The following CLUAP1 variants were observed in gnomAD, a reference collection of about 807,000 sequenced individuals.
CLUAP1 encodes clusterin-associated protein 1.
CLUAP1 carries 50 observed loss-of-function variants against 55.0 expected under a neutral mutation model. The ratio of observed to expected loss-of-function variants is 0.91; its 90% CI spans 0.72 to 1.15. The LOEUF is 1.15. CLUAP1 is among the 50% of genes most tolerant of loss of function. CLUAP1 has a pLI of 0.00. For synonymous variants in CLUAP1, 195 were observed against 175.4 expected, an observed-to-expected ratio of 1.11 and a Z score of -0.88; for missense variants, 530 against 507.6, an observed-to-expected ratio of 1.04 and a Z score of -0.42.
intron 4 of CLUAP1, among the ~76,000 whole-genome samples, chr16:3,511,248 G>C (rs548457726): frequency 6.6e-6 from 1 of 152,178 alleles, no homozygotes; most frequent in East Asian, 1.9e-4. Context: ...GGTGAGGATT[G>C]GTTGTCCAGG....
chr16:3,508,504 G>A (rs1245516043), intron 4 of CLUAP1, 36 bp downstream of exon 4: 2 of 1,500,804 alleles, frequency 1.3e-6, no homozygotes, highest in Non-Finnish European at 1.8e-6. Flanking sequence ...GGGCGATGGA[G>A]CGTTGATTTC....
intron 3 of CLUAP1, 134 bp downstream of exon 3, chr16:3,506,549 C>T (rs2151043065): frequency 2.8e-6 from 2 of 716,166 alleles, no homozygotes; most frequent in East Asian, 5.6e-5. Context: ...CATTCTCTCG[C>T]CCAGGCCGGA....
intron 3 of CLUAP1, among the ~76,000 whole-genome samples, chr16:3,508,037 C>T (rs537940590): frequency 1.3e-5 from 2 of 152,112 alleles, no homozygotes; most frequent in African/African-American, 4.8e-5. Flanking sequence ...AGAATAAGTT[C>T]TTAGATTTGG....
intron 1 of CLUAP1, among the ~76,000 whole-genome samples, chr16:3,503,773 C>A (rs1165028680): frequency 6.6e-6 from 1 of 152,080 alleles, no homozygotes; most frequent in Non-Finnish European, 1.5e-5. Flanking sequence ...TTTTTAATCT[C>A]TGTATTCACA....
intron 6 of CLUAP1, among the ~76,000 whole-genome samples, chr16:3,517,057 T>TA (rs1208574402): frequency 6.6e-6 from 1 of 152,004 alleles, no homozygotes. Flanking sequence ...AATAAATGAA[T>TA]ATTGGAGGCT....
chr16:3,515,194 T>TA (rs56325117), intron 5 of CLUAP1, among the ~76,000 whole-genome samples: 5,650 of 141,352 alleles, frequency 0.04, 287 homozygotes, highest in African/African-American at 0.12. Flanking sequence ...TATCTCTATT[T>TA]AAAAAAAAAA....
At chr16:3,520,538 A>G (rs1287057731) in intron 7 of CLUAP1, among the ~76,000 whole-genome samples, 1 of 152,164 alleles carries the variant, frequency 6.6e-6, no homozygotes. Context: ...GGCTAAACTC[A>G]TTCTCTTTAC....
upstream of CLUAP1, among the ~76,000 whole-genome samples, chr16:3,497,917 A>G (rs2037330602): frequency 6.6e-6 from 1 of 152,128 alleles, no homozygotes; most frequent in Admixed American, 6.6e-5. Context: ...TCCACCTCCC[A>G]AAGTGCTGGG....
At chr16:3,533,054 CT>C (rs1439695033) in intron 11 of CLUAP1, 6 of 1,513,492 alleles carry the variant, frequency 4.0e-6, no homozygotes, top group Non-Finnish European at 4.4e-6. Flanking sequence ...GCTTGCTCTG[CT>C]TTTTTTGCCT....
chr16:3,506,305 C>G (rs1331632149), intron 2 of CLUAP1, 26 bp from the exon 3 acceptor site: 3 of 1,583,830 alleles, frequency 1.9e-6, no homozygotes, highest in Non-Finnish European at 2.6e-6. Flanking sequence ...TTAACCCGTG[C>G]TCTCTCCTCT....
intron 9 of CLUAP1, among the ~76,000 whole-genome samples, chr16:3,529,839 ATT>A (rs1359147509): frequency 1.8e-5 from 1 of 55,652 alleles, no homozygotes; most frequent in African/African-American, 7.8e-5. Flanking sequence ...TATATAATAT[ATT>A]ATATAATATA....
chr16:3,514,286 G>A (rs2037689539), intron 5 of CLUAP1, among the ~76,000 whole-genome samples: 1 of 152,166 alleles, frequency 6.6e-6, no homozygotes, highest in African/African-American at 2.4e-5. Flanking sequence ...GGCTGAAACT[G>A]TTCCCAAGGA....
rs2037469032 is a variant in CLUAP1 at position 3,504,705 on chromosome 16, T to C, written c.23-15T>C. 7.0e-7 allele frequency: 1 copy of C among 1,433,464 alleles called. No individual in the cohort carries two copies. Among genetic ancestry groups the C allele is most frequent in the African/African-American group, 1.4e-5 (1 of 71,238 alleles). 88.8% of individuals were successfully genotyped at this position (1,433,464 alleles called of 1,614,324 possible). A position where few individuals can be genotyped will look rare whatever the true frequency, so the allele number is the denominator to read the frequency against. On this transcript the variant is annotated splice_polypyrimidine_tract_variant and intron_variant, in intron 1 of 11. Transcript: ENST00000576634. ...GTGATGGGGAACTGAATGAATTGTA[T>C]TTTTCCTTGGACAGATTTCACAGAG...
chr16:3,532,332 A>G (rs1419266008), intron 10 of CLUAP1, among the ~76,000 whole-genome samples: 1 of 150,756 alleles, frequency 6.6e-6, no homozygotes, highest in Non-Finnish European at 1.5e-5. Context: ...TTTTAATACT[A>G]TAAAATTCTC....
chr16:3,496,641 G>A (rs1016801583), upstream of CLUAP1: 9 of 533,516 alleles, frequency 1.7e-5, no homozygotes, highest in Admixed American at 1.4e-4. Flanking sequence ...CGCAAGGGCC[G>A]ACAGGTGTAC....
Position 3,520,050 on chromosome 16 carries a change from C to G in CLUAP1, c.713+14C>G. On this transcript the variant is annotated intron_variant, in intron 7 of 11. Coordinates refer to ENST00000576634, the MANE Select transcript of CLUAP1 (RefSeq NM_015041.3). ...GCAGAGTGTCAGGTAGATATGAACACTTGGAGAATGAGTAGAAAGATGTCC... is the reference window on the plus strand; with the variant it reads ...GCAGAGTGTCAGGTAGATATGAACAGTTGGAGAATGAGTAGAAAGATGTCC... 1 of 1,593,260 alleles carries G rather than the reference C, an allele frequency of 6.3e-7. No homozygotes were observed. The highest frequency in any genetic ancestry group is 8.5e-7 in the Non-Finnish European group (1 of 1,173,404).
intron 3 of CLUAP1, among the ~76,000 whole-genome samples, chr16:3,507,047 T>G (rs1349074647): frequency 1.3e-5 from 2 of 151,028 alleles, no homozygotes; most frequent in African/African-American, 4.9e-5. Flanking sequence ...ATACAAAAAA[T>G]TAGTTGGATG....
chr16:3,533,234 A>T, intron 11 of CLUAP1: 1 of 1,133,512 alleles, frequency 8.8e-7, no homozygotes, highest in East Asian at 2.6e-5. Flanking sequence ...TCTCCCTAGG[A>T]GTGATGCTTC....
intron 11 of CLUAP1, chr16:3,533,666 G>C (rs2038174088): frequency 6.3e-6 from 1 of 159,606 alleles, no homozygotes; most frequent in African/African-American, 2.4e-5. Context: ...TGCGTCCCTG[G>C]CAGTGCTGCT....
Sources: gnomAD v4.1 joint callset for allele counts (sites outside exome capture counted in the v4.1 genomes callset) on GRCh38, gnomAD v4.1.1 for gene constraint, MANE v1.5 for transcripts, NCBI Gene and HGNC (gene_info 2026-07-23, HGNC 2026-07-21) for gene names.